HMGA2: variants seen among roughly 807,000 people sequenced by gnomAD.
HMGA2 encodes the protein high mobility group AT-hook 2, also known as high mobility group protein HMGI-C.
A neutral mutation model predicts 19.1 loss-of-function variants in HMGA2; 8 were observed. The observed-to-expected ratio is 0.42, with a 90% CI of 0.25 to 0.76. The LOEUF (loss-of-function observed/expected upper bound fraction) is 0.76. Ranked by LOEUF, HMGA2 falls within the 30% of genes least tolerant of loss-of-function variation. The probability of loss-of-function intolerance (pLI) is 0.28; values close to 1 mark genes in which losing one functional copy is unlikely to be tolerated. For missense variants in HMGA2, 109 were observed against 136.3 expected (o/e 0.80, Z 1.00); for synonymous variants, 60 against 48.8 (o/e 1.23, Z -0.96).
intron 3 of HMGA2, among the ~76,000 whole-genome samples, chr12:65,896,245 C>CGTA (rs1874125878): frequency 6.6e-6 from 1 of 152,158 alleles, no homozygotes; most frequent in African/African-American, 2.4e-5. Context: ...TCCAGAATAC[C>CGTA]GCCCAACTGC....
At chr12:65,958,555 A>G (rs1323712411) in intron 4 of HMGA2, 2 of 152,184 alleles carry the variant, frequency 1.3e-5, no homozygotes, top group African/African-American at 4.8e-5. Context: ...TCACTTAGCT[A>G]CAGATGGAAC....
At chr12:65,923,383 G>A (rs1218241728) in intron 3 of HMGA2, among the ~76,000 whole-genome samples, 2 of 152,294 alleles carry the variant, frequency 1.3e-5, no homozygotes, top group East Asian at 1.9e-4. Context: ...AGAGAATGAG[G>A]AAGTGGAATG....
chr12:65,837,449 C>T (rs1424040394), intron 2 of HMGA2, among the ~76,000 whole-genome samples: 1 of 152,134 alleles, frequency 6.6e-6, no homozygotes, highest in African/African-American at 2.4e-5. Flanking sequence ...CCAAGTACCC[C>T]CACCGGCTGC....
intron 3 of HMGA2, among the ~76,000 whole-genome samples, chr12:65,860,939 T>C (rs1012991332): frequency 1.3e-5 from 2 of 152,224 alleles, no homozygotes; most frequent in African/African-American, 2.4e-5. Flanking sequence ...TTCAGGGACA[T>C]AGGCTAAGCT....
intron 3 of HMGA2, among the ~76,000 whole-genome samples, chr12:65,947,897 GA>G (rs1450026231): frequency 6.6e-6 from 1 of 152,222 alleles, no homozygotes; most frequent in Admixed American, 6.5e-5. Flanking sequence ...GGAGGAATCA[GA>G]ACTAGGCCCT....
At chr12:65,829,846 G>A (rs955453174) in intron 2 of HMGA2, among the ~76,000 whole-genome samples, 1 of 151,862 alleles carries the variant, frequency 6.6e-6, no homozygotes, top group African/African-American at 2.4e-5. Flanking sequence ...ACCACCTAAA[G>A]CAAAATTTTT....
chr12:65,943,007 C>G (rs899007797), intron 3 of HMGA2, among the ~76,000 whole-genome samples: 5 of 152,090 alleles, frequency 3.3e-5, no homozygotes, highest in African/African-American at 1.2e-4. Context: ...TCTCTTCTTT[C>G]ATACATTTAT....
intron 3 of HMGA2, among the ~76,000 whole-genome samples, chr12:65,853,271 C>T (rs11834900): frequency 0.24 from 37,072 of 151,986 alleles, 8,637 homozygotes; most frequent in African/African-American, 0.61. Flanking sequence ...CATGTGATAC[C>T]GTAATTATCA....
At chr12:65,869,296 G>A (rs1213375582) in intron 3 of HMGA2, among the ~76,000 whole-genome samples, 2 of 152,124 alleles carry the variant, frequency 1.3e-5, no homozygotes, top group Non-Finnish European at 1.5e-5. Flanking sequence ...TCAGAAAGAC[G>A]ACAGCAACAA....
intron 3 of HMGA2, among the ~76,000 whole-genome samples, chr12:65,899,043 C>CAAAAAAAAAAAAA (rs751128412): frequency 3.9e-5 from 1 of 25,328 alleles, no homozygotes; most frequent in African/African-American, 9.0e-5. Context: ...GACTCCGTCT[C>CAAAAAAAAAAAAA]AAAAAAAAAA....
In HMGA2 at chr12:65,919,589, T is replaced by C. The variant is rs566690172; in HGVS notation, c.250-31794T>C. Among the ~76,000 whole-genome samples the C allele has an allele frequency of 5.9e-5, 9 of 152,368 alleles. No homozygotes were observed. The South Asian group carries it at 1.9e-3, about 32-fold the overall frequency. On this transcript the variant is annotated intron_variant, in intron 3 of 4. Transcript: ENST00000403681. ...TAATCCAATAATTCTTAAACATTTA[T>C]GTAAATCTGCCATTTTCTCACTCTG...
chr12:65,946,992 A>G (rs922233017), intron 3 of HMGA2, among the ~76,000 whole-genome samples: 3 of 152,180 alleles, frequency 2.0e-5, no homozygotes, highest in Non-Finnish European at 4.4e-5. Context: ...TATACTTTCA[A>G]TTGTGGCTGA....
intron 3 of HMGA2, among the ~76,000 whole-genome samples, chr12:65,920,979 A>C (rs168220): frequency 6.6e-6 from 1 of 152,102 alleles, no homozygotes; most frequent in East Asian, 1.9e-4. Flanking sequence ...CTTCCTAGAG[A>C]CTTGTTGAAT....
chr12:65,948,359 C>A (rs1238230922), intron 3 of HMGA2: 1 of 152,086 alleles, frequency 6.6e-6, no homozygotes, highest in African/African-American at 2.4e-5. Context: ...CCAAGAACCC[C>A]GAGGAGCAAC....
intron 3 of HMGA2, among the ~76,000 whole-genome samples, chr12:65,901,911 C>T (rs1173678412): frequency 6.6e-6 from 1 of 152,140 alleles, no homozygotes; most frequent in African/African-American, 2.4e-5. Flanking sequence ...ACACGATCTC[C>T]ACCAACTTAA....
At chr12:65,910,523 T>C (rs1419641684) in intron 3 of HMGA2, among the ~76,000 whole-genome samples, 1 of 152,208 alleles carries the variant, frequency 6.6e-6, no homozygotes, top group African/African-American at 2.4e-5. Flanking sequence ...ATGTTCTGTA[T>C]CTTTAGCCAT....
chr12:65,848,101 C>T (rs952086984), intron 3 of HMGA2, among the ~76,000 whole-genome samples: 2 of 152,130 alleles, frequency 1.3e-5, no homozygotes, highest in South Asian at 2.1e-4. Flanking sequence ...ATAGAAACTT[C>T]GAATGTCTTG....
chr12:65,861,815 A>G (rs1204565857), intron 3 of HMGA2, among the ~76,000 whole-genome samples: 1 of 147,048 alleles, frequency 6.8e-6, no homozygotes, highest in Non-Finnish European at 1.5e-5. Context: ...CATATTTTTG[A>G]AAAAAAAATC....
intron 3 of HMGA2, among the ~76,000 whole-genome samples, chr12:65,895,079 AC>A (rs1420575581): frequency 1.3e-5 from 2 of 152,220 alleles, no homozygotes; most frequent in African/African-American, 4.8e-5. Context: ...CTTTGCAATC[AC>A]TTTACTACAG....
Sources: gnomAD v4.1 joint callset for allele counts (sites outside exome capture counted in the v4.1 genomes callset) on GRCh38, gnomAD v4.1.1 for gene constraint, MANE v1.5 for transcripts, NCBI Gene and HGNC (gene_info 2026-07-23, HGNC 2026-07-21) for gene names.